Variants in CADPS2 observed in about 807,000 individuals in gnomAD.
CADPS2 encodes calcium-dependent secretion activator 2.
A neutral mutation model predicts 172.5 loss-of-function variants in CADPS2; 93 were observed. That is an observed-to-expected ratio of 0.54 (90% CI 0.46 to 0.64). The LOEUF is 0.64. Among genes scored for constraint, CADPS2 ranks in the 30% least tolerant of loss-of-function variants. The probability of loss-of-function intolerance (pLI) is 0.00; values close to 1 mark genes in which losing one functional copy is unlikely to be tolerated. For synonymous variants in CADPS2, 546 were observed against 555.2 expected, an observed-to-expected ratio of 0.98 and a Z score of 0.23; for missense variants, 1,420 against 1,565.9, an observed-to-expected ratio of 0.91 and a Z score of 1.57.
At chr7:122,589,187 A>T (rs191678328) in intron 6 of CADPS2, among the ~76,000 whole-genome samples, 3 of 152,128 alleles carry the variant, frequency 2.0e-5, no homozygotes, top group East Asian at 1.9e-4. Flanking sequence ...TGTTTAATAG[A>T]TGTGTAAAAT....
intron 25 of CADPS2, chr7:122,379,159 C>A: frequency 2.6e-6 from 1 of 390,896 alleles, no homozygotes; most frequent in Non-Finnish European, 4.6e-6. Context: ...GTAGGAAAAG[C>A]CAAAATTTAT....
intron 3 of CADPS2, among the ~76,000 whole-genome samples, chr7:122,642,889 C>T (rs1440042179): frequency 6.6e-6 from 1 of 152,144 alleles, no homozygotes; most frequent in African/African-American, 2.4e-5. Context: ...AGTCCCCACA[C>T]CAATTATGTC....
At chr7:122,838,249 T>G (rs1355030253) in intron 1 of CADPS2, among the ~76,000 whole-genome samples, 2 of 152,184 alleles carry the variant, frequency 1.3e-5, no homozygotes, top group African/African-American at 4.8e-5. Flanking sequence ...CTAAAAACTC[T>G]CAATAAATTC....
intron 9 of CADPS2, among the ~76,000 whole-genome samples, chr7:122,505,024 G>T (rs1370885643): frequency 6.6e-6 from 1 of 152,092 alleles, no homozygotes; most frequent in African/African-American, 2.4e-5. Context: ...ATTTCTAATG[G>T]ACATTATCTT....
chr7:122,676,928 A>C, intron 2 of CADPS2: 1 of 420,670 alleles, frequency 2.4e-6, no homozygotes. Context: ...TATCCATCCA[A>C]GTCTCCCTCA....
At chr7:122,360,708 T>G in intron 27 of CADPS2, 80 bp downstream of exon 27, 1 of 1,292,376 alleles carries the variant, frequency 7.7e-7, no homozygotes, top group Non-Finnish European at 1.1e-6. Flanking sequence ...GTTTAAAGAT[T>G]TGAAATAAAC....
At chr7:122,441,357 A>T (rs554767099) in intron 16 of CADPS2, among the ~76,000 whole-genome samples, 155 bp downstream of exon 16, 20 of 152,298 alleles carry the variant, frequency 1.3e-4, no homozygotes, top group Middle Eastern at 3.4e-3. Context: ...CTGTAGACAG[A>T]GTCTGAATGT....
chr7:122,712,723 A>T (rs1323466277), intron 2 of CADPS2, among the ~76,000 whole-genome samples: 1 of 152,110 alleles, frequency 6.6e-6, no homozygotes, highest in Non-Finnish European at 1.5e-5. Context: ...TTATTTTTGC[A>T]CAGTTCTGGA....
At chr7:122,859,567 A>G (rs1460556575) in intron 1 of CADPS2, among the ~76,000 whole-genome samples, 2 of 152,154 alleles carry the variant, frequency 1.3e-5, no homozygotes, top group African/African-American at 4.8e-5. Context: ...CAAAATGAAA[A>G]ACATAAGAAA....
At chr7:122,658,124 C>A (rs555370418) in intron 3 of CADPS2, among the ~76,000 whole-genome samples, 3 of 152,278 alleles carry the variant, frequency 2.0e-5, no homozygotes, top group South Asian at 2.1e-4. Flanking sequence ...ATGCAGCCAA[C>A]AGACATATGA....
chr7:122,655,148 C>G (rs985389099), intron 3 of CADPS2, among the ~76,000 whole-genome samples: 6 of 152,236 alleles, frequency 3.9e-5, no homozygotes, highest in African/African-American at 1.4e-4. Context: ...GAAGTGAAAT[C>G]TAATCCTAGT....
chr7:122,660,966 T>C (rs1437038731), intron 3 of CADPS2, among the ~76,000 whole-genome samples: 2 of 152,014 alleles, frequency 1.3e-5, no homozygotes, highest in Non-Finnish European at 2.9e-5. Flanking sequence ...AACATCCACT[T>C]TAAAAATAAA....
chr7:122,820,551 TTTTTG>T lies in CADPS2; in HGVS notation c.339+65443_339+65447del, dbSNP rs1464385133. On this transcript the variant is annotated intron_variant, in intron 1 of 29. Transcript: ENST00000449022. Reference sequence around the variant, plus strand: ...ACAACTTGACCTTACTGTTTTTTGTTTTTTGTTTTTTTTTTTTTTTTTTTTTGAGA... The same window carrying T: ...ACAACTTGACCTTACTGTTTTTTGTTTTTTTTTTTTTTTTTTTTTTTGAGA... Among the ~76,000 whole-genome samples, 385 of 127,784 alleles carry T rather than the reference TTTTTG, an allele frequency of 3.0e-3. 28 individuals carry two copies. Among genetic ancestry groups the T allele is most frequent in the African/African-American group, 0.013 (373 of 28,746 alleles). The allele number at this position is 127,784 out of a possible 152,430, so 83.8% of individuals were successfully genotyped here.
intron 27 of CADPS2, among the ~76,000 whole-genome samples, chr7:122,350,123 C>G (rs898256445): frequency 6.6e-6 from 1 of 152,120 alleles, no homozygotes; most frequent in East Asian, 1.9e-4. Context: ...GTGTAATATC[C>G]TGCGTTATGA....
At chr7:122,453,848 C>G (rs148188816) in intron 14 of CADPS2, among the ~76,000 whole-genome samples, 14 of 152,220 alleles carry the variant, frequency 9.2e-5, no homozygotes, top group African/African-American at 2.9e-4. Flanking sequence ...AGGGGAAGCT[C>G]GCTTGTGTCA....
intron 2 of CADPS2, among the ~76,000 whole-genome samples, chr7:122,725,409 AGATT>A (rs759862513): frequency 2.0e-5 from 3 of 151,754 alleles, no homozygotes; most frequent in Admixed American, 6.6e-5. Context: ...ATGGATGGAT[AGATT>A]GATTGATTTA....
At chr7:122,641,773 G>A (rs1046034081) in intron 3 of CADPS2, among the ~76,000 whole-genome samples, 1 of 151,280 alleles carries the variant, frequency 6.6e-6, no homozygotes, top group Non-Finnish European at 1.5e-5. Flanking sequence ...CCATATACAT[G>A]TTTTCTATAC....
chr7:122,327,788 G>A (rs2034168812), intron 28 of CADPS2, among the ~76,000 whole-genome samples: 1 of 151,582 alleles, frequency 6.6e-6, no homozygotes, highest in Non-Finnish European at 1.5e-5. Flanking sequence ...AAGAATTTGG[G>A]AATAAAATGA....
At chr7:122,423,148 A>G (rs548617843) in intron 17 of CADPS2, among the ~76,000 whole-genome samples, 2 of 151,876 alleles carry the variant, frequency 1.3e-5, no homozygotes, top group Non-Finnish European at 2.9e-5. Context: ...TTTTATCTAG[A>G]TTTTCTGACC....
Sources: allele counts gnomAD v4.1 joint callset (sites outside exome capture counted in the v4.1 genomes callset), GRCh38; gene constraint gnomAD v4.1.1; transcripts MANE v1.5; gene names NCBI Gene and HGNC (gene_info 2026-07-23, HGNC 2026-07-21).